The following TMEM123 variants were observed in gnomAD, a reference collection of about 807,000 sequenced individuals.
TMEM123 encodes the protein transmembrane protein 123, also known as porimin.
A neutral mutation model predicts 19.7 loss-of-function variants in TMEM123; 16 were observed. The ratio of observed to expected loss-of-function variants is 0.81; its 90% CI spans 0.55 to 1.23. The LOEUF is 1.23. Among genes scored for constraint, TMEM123 ranks in the 50% most tolerant of loss-of-function variants. The pLI, the probability that TMEM123 is intolerant of heterozygous loss-of-function variation, is 0.00. For missense variants in TMEM123, 313 were observed against 257.8 expected (o/e 1.21, Z -1.47); for synonymous variants, 118 against 99.4 (o/e 1.19, Z -1.12).
intron 2 of TMEM123, among the ~76,000 whole-genome samples, chr11:102,427,484 T>C (rs1409658301): frequency 2.1e-5 from 3 of 146,078 alleles, no homozygotes; most frequent in African/African-American, 7.6e-5. Flanking sequence ...AGTCTCACTC[T>C]GTCGCCCAGG....
At chr11:102,441,490 C>A (rs1419420870) in intron 2 of TMEM123, among the ~76,000 whole-genome samples, 3 of 151,892 alleles carry the variant, frequency 2.0e-5, no homozygotes, top group African/African-American at 7.3e-5. Context: ...GTTATTTAAA[C>A]CCAATGAGGA....
chr11:102,445,554 A>C, intron 2 of TMEM123, among the ~76,000 whole-genome samples: 1 of 152,246 alleles, frequency 6.6e-6, no homozygotes, highest in East Asian at 1.9e-4. Context: ...AAACAGAAGA[A>C]GGTAGTGTGA....
At chr11:102,448,421 T>G (rs1392152294) in intron 2 of TMEM123, 1 of 366,570 alleles carries the variant, frequency 2.7e-6, no homozygotes, top group Non-Finnish European at 5.3e-6. Context: ...TCAGCAGAGG[T>G]ATATTAAGGC....
rs1244938283 is a variant in TMEM123, at chr11:102,445,102, A to G, written c.157+3710T>C. ...GCGTTAATGGGTGTAGCACACCAAC[A>G]TGGCACATGTATACATACGTAACAA... is the stretch of plus-strand genomic sequence containing the variant. On this transcript the variant is annotated intron_variant, in intron 2 of 4. Coordinates refer to ENST00000398136, the MANE Select transcript of TMEM123 (RefSeq NM_052932.3). Among the ~76,000 whole-genome samples the G allele has an allele frequency of 4.6e-5, 7 of 152,172 alleles. No individual in the cohort carries two copies. In the East Asian group the frequency reaches 1.3e-3, roughly 29 times the overall value.
At chr11:102,406,490 A>G (rs1951956303) in intron 2 of TMEM123, among the ~76,000 whole-genome samples, 1 of 152,116 alleles carries the variant, frequency 6.6e-6, no homozygotes, top group South Asian at 2.1e-4. Context: ...CTGGGAGTAG[A>G]CCACACCTCC....
chr11:102,432,629 T>C (rs1287909253), intron 2 of TMEM123, among the ~76,000 whole-genome samples: 1 of 152,240 alleles, frequency 6.6e-6, no homozygotes, highest in Non-Finnish European at 1.5e-5. Flanking sequence ...TGCAGGAATT[T>C]GCATAAGTAA....
chr11:102,448,854 CTA>C lies in TMEM123; in HGVS notation c.113_114del (p.Ile38ArgfsTer12), dbSNP rs780375032. On this transcript the variant is annotated frameshift_variant, in exon 2 of 5. Transcript: ENST00000398136. LOFTEE classifies it high-confidence loss of function. ...ESAAMAASAN[I>X]ENSGLPHNSS... The stretch of plus-strand genomic sequence containing the variant: ...GAGTTGTGTGGAAGCCCAGAATTCT[CTA>C]TGTTTGCAGATGCTGTAAAAATAAA... 15 of 1,613,574 alleles carry C rather than the reference CTA, an allele frequency of 9.3e-6. No homozygotes were observed. Among genetic ancestry groups the C allele is most frequent in the South Asian group, 6.6e-5 (6 of 91,078 alleles).
intron 2 of TMEM123, among the ~76,000 whole-genome samples, chr11:102,433,842 T>C (rs1044037298): frequency 2.0e-5 from 3 of 151,754 alleles, no homozygotes; most frequent in African/African-American, 4.8e-5. Flanking sequence ...GTCTGGCATT[T>C]CCCCTGCTGG....
At chr11:102,435,569 C>A (rs1238863796) in intron 2 of TMEM123, among the ~76,000 whole-genome samples, 4 of 151,922 alleles carry the variant, frequency 2.6e-5, no homozygotes, top group Non-Finnish European at 5.9e-5. Context: ...AGCAATTCTA[C>A]TCCTAGGTAT....
At chr11:102,432,853 G>C (rs1380789434) in intron 2 of TMEM123, among the ~76,000 whole-genome samples, 1 of 152,152 alleles carries the variant, frequency 6.6e-6, no homozygotes, top group Non-Finnish European at 1.5e-5. Flanking sequence ...GGCTAAAAGG[G>C]GTCAAAGTAC....
intron 2 of TMEM123, among the ~76,000 whole-genome samples, chr11:102,437,088 T>C (rs1223551872): frequency 6.6e-6 from 1 of 152,154 alleles, no homozygotes; most frequent in African/African-American, 2.4e-5. Context: ...TTCCTGTTAG[T>C]TTTGTTGCTG....
chr11:102,398,111 A>AAG lies in TMEM123; in HGVS notation c.*755_*756insCT, dbSNP rs1951876844. The AAG allele has an allele frequency of 6.5e-6, 1 of 152,742 alleles. No individual in the cohort carries two copies. The highest frequency in any genetic ancestry group is 2.4e-5 in the African/African-American group (1 of 41,476). The allele number at this position is 152,742 out of a possible 1,614,324, so 9.5% of individuals were successfully genotyped here. A position where few individuals can be genotyped will look rare whatever the true frequency, so the allele number is the denominator to read the frequency against. ...AATGCCAGGATTATTTAATACTGAC[A>AAG]ACTAAGTCTTTAAAACATTATTATG... On this transcript the variant is annotated 3_prime_UTR_variant, in exon 5 of 5. Transcript: ENST00000398136.
At chr11:102,438,650 C>G (rs1215171269) in intron 2 of TMEM123, among the ~76,000 whole-genome samples, 1 of 152,212 alleles carries the variant, frequency 6.6e-6, no homozygotes, top group Non-Finnish European at 1.5e-5. Context: ...AGGAACAGCT[C>G]CAGTCTACAG....
At chr11:102,427,823 G>A (rs964160453) in intron 2 of TMEM123, among the ~76,000 whole-genome samples, 1 of 150,382 alleles carries the variant, frequency 6.6e-6, no homozygotes, top group Non-Finnish European at 1.5e-5. Flanking sequence ...GGGCAACAGA[G>A]CAAGACTCTG....
At chr11:102,441,371 A>G (rs1857824310) in intron 2 of TMEM123, among the ~76,000 whole-genome samples, 1 of 152,244 alleles carries the variant, frequency 6.6e-6, no homozygotes, top group African/African-American at 2.4e-5. Flanking sequence ...ATCAAACTAG[A>G]ACTTAGGATT....
intron 2 of TMEM123, among the ~76,000 whole-genome samples, chr11:102,445,032 A>AG (rs34449483): frequency 1.5e-5 from 2 of 137,000 alleles, no homozygotes; most frequent in Non-Finnish European, 3.2e-5. Context: ...GGTGGGGGGA[A>AG]GGGGGGAGGG....
intron 2 of TMEM123, among the ~76,000 whole-genome samples, chr11:102,428,938 C>A (rs1952151859): frequency 6.6e-6 from 1 of 152,116 alleles, no homozygotes; most frequent in Non-Finnish European, 1.5e-5. Flanking sequence ...TTTTTCCCTG[C>A]CCAGCTCCTG....
chr11:102,398,927 G>GT (rs761220622), intron 4 of TMEM123, 36 bp from the exon 5 acceptor site: 294 of 1,579,770 alleles, frequency 1.9e-4, no homozygotes, highest in African/African-American at 9.9e-4. Context: ...ACTTTGTTTT[G>GT]TTTTTTCTGT....
chr11:102,441,970 G>C (rs970022836), intron 2 of TMEM123, among the ~76,000 whole-genome samples: 4 of 152,206 alleles, frequency 2.6e-5, no homozygotes, highest in Middle Eastern at 6.8e-3. Context: ...ATAAATTCCT[G>C]GACACATACA....
Sources: allele counts gnomAD v4.1 joint callset (sites outside exome capture counted in the v4.1 genomes callset), GRCh38; gene constraint gnomAD v4.1.1; transcripts MANE v1.5; gene names NCBI Gene and HGNC (gene_info 2026-07-23, HGNC 2026-07-21).